The following CCDC107 variants were observed in gnomAD, a reference collection of about 807,000 sequenced individuals.
The protein encoded by CCDC107 is coiled-coil domain-containing protein 107.
A neutral mutation model predicts 17.9 loss-of-function variants in CCDC107; 17 were observed. That is an observed-to-expected ratio of 0.95 (90% CI 0.65 to 1.42). The LOEUF (loss-of-function observed/expected upper bound fraction) is 1.42, where lower values mean the gene tolerates loss of function less well. Ranked by LOEUF, CCDC107 falls within the 40% of genes most tolerant of loss-of-function variation. The pLI, the probability that CCDC107 is intolerant of heterozygous loss-of-function variation, is 0.00. For missense variants in CCDC107, 388 were observed against 360.1 expected (o/e 1.08, Z -0.63); for synonymous variants, 170 against 157.2 (o/e 1.08, Z -0.61).
chr9:35,661,178 G>C lies in CCDC107; in HGVS notation c.843G>C (p.Leu281=), dbSNP rs769798574. 2.5e-6 allele frequency: 4 copies of C among 1,596,018 alleles called. No homozygotes were observed. Among genetic ancestry groups the C allele is most frequent in the East Asian group, 2.2e-5 (1 of 44,680 alleles). The change falls in exon 5 of 5, where the codon CTG becomes CTC. Residue 281 remains leucine, a synonymous_variant. Transcript: ENST00000426546. ...TTAEGRLKQS[L]FS is the part of the protein sequence containing the mutation. ...CTGAAGGTCGACTAAAACAAAGTCTGTTTTCATGATGGAGTGCTCCTGTGT... is the reference window on the plus strand; with the variant it reads ...CTGAAGGTCGACTAAAACAAAGTCTCTTTTCATGATGGAGTGCTCCTGTGT...
rs1252008086 is a variant in CCDC107 at position 35,661,075 on chromosome 9, G to A, written c.740G>A (p.Arg247Gln). 5.6e-6 allele frequency: 9 copies of A among 1,614,068 alleles called. No individual in the cohort carries two copies. The highest frequency in any genetic ancestry group is 2.2e-5 in the East Asian group (1 of 44,900). Residue 247 changes from arginine (R) to glutamine (Q), a missense_variant, in exon 5 of 5, where the codon CGG becomes CAG. Transcript: ENST00000426546. ...CTAGCTACTTCCTGGGAGGTGGGGCGGGGACTACGGAGAAGGTGCAGCCAG... is the reference window on the plus strand; with the variant it reads ...CTAGCTACTTCCTGGGAGGTGGGGCAGGGACTACGGAGAAGGTGCAGCCAG... ...WNLATSWEVGRGLRRRCSQAV... is the reference protein window; with the variant it reads ...WNLATSWEVGQGLRRRCSQAV...
chr9:35,660,896 C>G lies in CCDC107; in HGVS notation c.561C>G (p.Asp187Glu), dbSNP rs1563912726. The change falls in exon 5 of 5, where the codon GAC (aspartate) becomes GAG (glutamate). Residue 187 changes from aspartate to glutamate, a missense_variant. By Grantham distance (45) the Asp-to-Glu change is conservative (BLOSUM62 2). Transcript: ENST00000426546. ...GAGGCGAGTCTGCTGGAGGTGGAGA[C>G]AAAGTCTCTGAAACTGGAACATTCC... is the stretch of plus-strand genomic sequence containing the variant. Reference protein sequence around the residue: ...GSGGESAGGGDKVSETGTFLI... With the variant: ...GSGGESAGGGEKVSETGTFLI... The G allele has an allele frequency of 1.2e-6, 2 of 1,614,146 alleles. No individual in the cohort carries two copies. The highest frequency in any genetic ancestry group is 1.7e-5 in the Admixed American group (1 of 60,032).
chr9:35,660,937 C>G lies in CCDC107; in HGVS notation c.602C>G (p.Thr201Arg). The change falls in exon 5 of 5, where the codon ACA (threonine) becomes AGA (arginine). Residue 201 changes from threonine to arginine, a missense_variant. Coordinates refer to ENST00000426546, the MANE Select transcript of CCDC107 (RefSeq NM_174923.3). Reference protein sequence around the residue: ...ETGTFLISPHTEASRPLPEDF... With the variant: ...ETGTFLISPHREASRPLPEDF... ...GGAACATTCCTGATCTCTCCCCACA[C>G]AGAGGCCAGCAGACCTCTTCCTGAG... 1 of 1,614,200 alleles carries G rather than the reference C, an allele frequency of 6.2e-7. No individual in the cohort carries two copies. The highest frequency in any genetic ancestry group is 1.6e-4 in the Middle Eastern group (1 of 6,062).
intron 2 of CCDC107, chr9:35,658,953 T>G: frequency 2.4e-6 from 1 of 418,482 alleles, no homozygotes. Flanking sequence ...GAACTGTAAA[T>G]AATGACTATC....
Position 35,660,820 on chromosome 9 carries a change from A to G in CCDC107, c.485A>G (p.Asp162Gly), listed in dbSNP as rs1340457584. ...TGGACCATCCACGAGCTGCTGCAAG[A>G]TAGCAAGCCGGACAAGGATATGGAG... Reference protein sequence around the residue: ...KLWTIHELLQDSKPDKDMEAS... With the variant: ...KLWTIHELLQGSKPDKDMEAS... Residue 162 changes from aspartate (D) to glycine (G), a missense_variant, in exon 5 of 5, where the codon GAT becomes GGT. By Grantham distance (94) the Asp-to-Gly change is moderately conservative. Transcript: ENST00000426546. 6.2e-7 allele frequency: 1 copy of G among 1,614,206 alleles called. No homozygotes were observed. The highest frequency in any genetic ancestry group is 1.7e-5 in the Admixed American group (1 of 60,032).
At position 35,658,316 on chromosome 9, in the gene CCDC107, G is replaced by C. The variant is rs989967006; in HGVS notation, c.-64G>C. 3.5e-5 allele frequency: 45 copies of C among 1,276,096 alleles called. No homozygotes were observed. Among genetic ancestry groups the C allele is most frequent in the Non-Finnish European group, 4.5e-5 (45 of 1,004,890 alleles). The allele number at this position is 1,276,096 out of a possible 1,614,324, so 79.0% of individuals were successfully genotyped here. ...TGCTCGCGTGCGCGTGCGCGTTGGG[G>C]CGGCCGGCCAATGCCGGACCGCTTC... On this transcript the variant is annotated 5_prime_UTR_variant, in exon 1 of 5. Transcript: ENST00000426546.
At position 35,660,387 on chromosome 9, in the gene CCDC107, T is replaced by G. The variant is rs1355351195; in HGVS notation, c.259-14T>G. On this transcript the variant is annotated splice_polypyrimidine_tract_variant and intron_variant, in intron 2 of 4. Transcript: ENST00000426546. ...TTGTTGCTTCAGTACTGCCCTTTCC[T>G]TCTTCCACAACAGGGGAAAGATGAA... 1 of 1,583,430 alleles carries G rather than the reference T, an allele frequency of 6.3e-7. No homozygotes were observed. Among genetic ancestry groups the G allele is most frequent in the Non-Finnish European group, 8.6e-7 (1 of 1,165,626 alleles).
Position 35,658,505 on chromosome 9 carries a change from G to A in CCDC107, c.106+20G>A, listed in dbSNP as rs1823693466. On this transcript the variant is annotated intron_variant, in intron 1 of 4. Transcript: ENST00000426546. ...ACCCAGGTACCAGCTAGGGCTGCTG[G>A]AGGAGGGCTGGGACTGCGCACGGGT... 1 of 1,488,074 alleles carries A rather than the reference G, an allele frequency of 6.7e-7. No homozygotes were observed. Among genetic ancestry groups the A allele is most frequent in the Non-Finnish European group, 8.9e-7 (1 of 1,120,324 alleles). The allele number at this position is 1,488,074 out of a possible 1,614,324, so 92.2% of individuals were successfully genotyped here. A position where few individuals can be genotyped will look rare whatever the true frequency, so the allele number is the denominator to read the frequency against.
intron 4 of CCDC107, 32 bp from the exon 5 acceptor site, chr9:35,660,714 G>A: frequency 1.2e-6 from 2 of 1,613,864 alleles, no homozygotes; most frequent in South Asian, 1.1e-5. Context: ...TGGGGACATA[G>A]GTTGGGAGCC....
chr9:35,661,173 A>T lies in CCDC107; in HGVS notation c.838A>T (p.Ser280Cys), dbSNP rs1381164268. The change falls in exon 5 of 5, where the codon AGT becomes TGT. Residue 280 changes from serine to cysteine, a missense_variant. Transcript: ENST00000426546. ...GTTAEGRLKQ[S>C]LFS Reference sequence around the variant, plus strand: ...GACAGCTGAAGGTCGACTAAAACAAAGTCTGTTTTCATGATGGAGTGCTCC... The same window carrying T: ...GACAGCTGAAGGTCGACTAAAACAATGTCTGTTTTCATGATGGAGTGCTCC... 1 of 1,599,450 alleles carries T rather than the reference A, an allele frequency of 6.3e-7. No individual in the cohort carries two copies. The highest frequency in any genetic ancestry group is 1.3e-5 in the African/African-American group (1 of 74,454).
At chr9:35,658,891 A>T (rs774415744) in intron 2 of CCDC107, 164 bp downstream of exon 2, 6 of 458,806 alleles carry the variant, frequency 1.3e-5, no homozygotes, top group Admixed American at 4.3e-5. Context: ...TTCCAATATT[A>T]TGAGGTTATT....
Position 35,661,439 on chromosome 9 carries a change from C to CA in CCDC107, c.*260dup, listed in dbSNP as rs1020693751. On this transcript the variant is annotated 3_prime_UTR_variant, in exon 5 of 5. Coordinates refer to ENST00000426546, the MANE Select transcript of CCDC107 (RefSeq NM_174923.3). ...AAAACTGAGACAGAAGGGTCTTTCC[C>CA]AAAAAAAAGAAAAAAAACTTTACTC... 4.0e-4 allele frequency: 176 copies of CA among 442,062 alleles called. No individual in the cohort carries two copies. Among genetic ancestry groups the CA allele is most frequent in the African/African-American group, 2.4e-3 (117 of 48,770 alleles). 27.4% of individuals were successfully genotyped at this position (442,062 alleles called of 1,614,324 possible).
chr9:35,658,611 C>A lies in CCDC107; in HGVS notation c.142C>A (p.Pro48Thr). The A allele has an allele frequency of 6.3e-7, 1 of 1,580,888 alleles. No homozygotes were observed. The highest frequency in any genetic ancestry group is 8.5e-7 in the Non-Finnish European group (1 of 1,170,970). ...CCACCCCGGCTCTGGAGCCACGGAA[C>A]CCCGGCGGCGACCACCGCTCAAGGA... Reference protein sequence around the residue: ...AAHPGSGATEPRRRPPLKDQR... With the variant: ...AAHPGSGATETRRRPPLKDQR... The change falls in exon 2 of 5, where the codon CCC (proline) becomes ACC (threonine). Residue 48 changes from proline (P) to threonine (T), a missense_variant. Physicochemically the swap from Pro to Thr is conservative, Grantham distance 38. Coordinates refer to ENST00000426546, the MANE Select transcript of CCDC107 (RefSeq NM_174923.3).
At chr9:35,659,320 G>C (rs1467712804) in intron 2 of CCDC107, 1 of 152,234 alleles carries the variant, frequency 6.6e-6, no homozygotes, top group East Asian at 1.9e-4. Context: ...AGCTAATAAT[G>C]ACCCCAGGTA....
rs888000628 is a variant in CCDC107 at position 35,658,352 on chromosome 9, G to A, written c.-28G>A. On this transcript the variant is annotated 5_prime_UTR_variant, in exon 1 of 5. Coordinates refer to ENST00000426546, the MANE Select transcript of CCDC107 (RefSeq NM_174923.3). Reference sequence around the variant, plus strand: ...ATGCCGGACCGCTTCGGCACCGCCCGCCCGATCCCTCCACCCGTGGGCCGG... The same window carrying A: ...ATGCCGGACCGCTTCGGCACCGCCCACCCGATCCCTCCACCCGTGGGCCGG... The A allele has an allele frequency of 7.4e-7, 1 of 1,354,696 alleles. No individual in the cohort carries two copies. Among genetic ancestry groups the A allele is most frequent in the Non-Finnish European group, 9.5e-7 (1 of 1,052,782 alleles). The allele number at this position is 1,354,696 out of a possible 1,614,324, so 83.9% of individuals were successfully genotyped here.
intron 2 of CCDC107, chr9:35,659,249 G>C (rs1002466740): frequency 6.6e-6 from 1 of 152,372 alleles, no homozygotes; most frequent in African/African-American, 2.4e-5. Context: ...ACCCTATTAC[G>C]TACTTGCATT....
chr9:35,660,776 G>A lies in CCDC107; in HGVS notation c.441G>A (p.Glu147=). The A allele has an allele frequency of 1.9e-6, 3 of 1,614,034 alleles. No individual in the cohort carries two copies. The highest frequency in any genetic ancestry group is 2.5e-6 in the Non-Finnish European group (3 of 1,179,920). Residue 147 remains glutamate (E), a synonymous_variant, in exon 5 of 5, where the codon GAG becomes GAA. Transcript: ENST00000426546. ...CTACTCTGGCTGGAGCCCAGCAGGA[G>A]CTTCTGAACATGAAGCTATGGACCA... ...RVTTLAGAQQ[E]LLNMKLWTIH...
chr9:35,661,445 AAAG>A lies in CCDC107; in HGVS notation c.*261_*263del. On this transcript the variant is annotated 3_prime_UTR_variant, in exon 5 of 5. Coordinates refer to ENST00000426546, the MANE Select transcript of CCDC107 (RefSeq NM_174923.3). ...GAGACAGAAGGGTCTTTCCCAAAAA[AAAG>A]AAAAAAAACTTTACTCAAATCCAGT... 2.1e-6 allele frequency: 1 copy of A among 465,144 alleles called. No homozygotes were observed. Among genetic ancestry groups the A allele is most frequent in the African/African-American group, 2.0e-5 (1 of 49,646 alleles). 28.8% of individuals were successfully genotyped at this position (465,144 alleles called of 1,614,324 possible). A position where few individuals can be genotyped will look rare whatever the true frequency, so the allele number is the denominator to read the frequency against.
intron 2 of CCDC107, chr9:35,659,248 C>T (rs905403016): frequency 6.6e-6 from 1 of 152,370 alleles, no homozygotes; most frequent in African/African-American, 2.4e-5. Flanking sequence ...GACCCTATTA[C>T]GTACTTGCAT....
Sources: allele counts gnomAD v4.1 joint callset, GRCh38; gene constraint gnomAD v4.1.1; transcripts MANE v1.5; gene names NCBI Gene and HGNC (gene_info 2026-07-23, HGNC 2026-07-21).